Variants in KLHL24 observed in about 807,000 individuals in gnomAD.
The protein encoded by KLHL24 is kelch-like protein 24.
Under a neutral mutation model 53.4 loss-of-function variants are expected in KLHL24, and 29 were observed. That is an observed-to-expected ratio of 0.54 (90% CI 0.40 to 0.74). The LOEUF (loss-of-function observed/expected upper bound fraction) is 0.74, where lower values mean the gene tolerates loss of function less well. KLHL24 is among the 30% of genes least tolerant of loss of function. The pLI is 0.00. For missense variants in KLHL24, 504 were observed against 744.0 expected, an observed-to-expected ratio of 0.68 and a Z score of 3.75; for synonymous variants, 222 against 253.7, an observed-to-expected ratio of 0.88 and a Z score of 1.19.
chr3:183,677,238 A>G (rs567307346), intron 7 of KLHL24, among the ~76,000 whole-genome samples: 1 of 152,282 alleles, frequency 6.6e-6, no homozygotes, highest in East Asian at 1.9e-4. Flanking sequence ...TCATCCTCAA[A>G]ATAACTAGAG....
At position 183,650,957 on chromosome 3, in the gene KLHL24, C is replaced by T; in HGVS notation, c.601C>T (p.His201Tyr). 1 of 1,614,176 alleles carries T rather than the reference C, an allele frequency of 6.2e-7. No homozygotes were observed. The highest frequency in any genetic ancestry group is 8.5e-7 in the Non-Finnish European group (1 of 1,180,038). ...ACAGACTTTTGAGGATGTATCCCAG[C>T]ACGAAGAATTTCTTGAGCTTGACAA... The part of the protein sequence containing the change: ...ALQTFEDVSQ[H>Y]EEFLELDKDE... The change falls in exon 3 of 8, where the codon CAC becomes TAC. Residue 201 changes from histidine to tyrosine, a missense_variant. His to Tyr is a moderately conservative substitution (Grantham distance 83, BLOSUM62 2). Coordinates refer to ENST00000242810, the MANE Select transcript of KLHL24 (RefSeq NM_017644.3). This position sits in a 1 kb window ranked among gnomAD's most constrained non-coding sequence, Gnocchi z 4.5.
intron 6 of KLHL24, 134 bp from the exon 7 acceptor site, chr3:183,672,162 G>A (rs1477927371): frequency 2.1e-6 from 1 of 473,602 alleles, no homozygotes; most frequent in Non-Finnish European, 3.6e-6. Flanking sequence ...TCACTATCAG[G>A]CTAACCTCTC....
In KLHL24 at chr3:183,681,267, A is replaced by AGATAATGT. The variant is rs1712649878; in HGVS notation, c.*1983_*1990dup. On this transcript the variant is annotated 3_prime_UTR_variant, in exon 8 of 8. Transcript: ENST00000242810. ...GTTAAGAAATTCTTTACAGTAAATG[A>AGATAATGT]GATAATGTGTGAAAAAGTATTTTGT... is the stretch of plus-strand genomic sequence containing the variant. 5 of 152,492 alleles carry AGATAATGT rather than the reference A, an allele frequency of 3.3e-5. No individual in the cohort carries two copies. In the South Asian group the frequency reaches 8.3e-4, roughly 25 times the overall value. 9.4% of individuals were successfully genotyped at this position (152,492 alleles called of 1,614,324 possible). A position where few individuals can be genotyped will look rare whatever the true frequency, so the allele number is the denominator to read the frequency against.
rs1296557992 is a variant in KLHL24 at position 183,681,494 on chromosome 3, T to C, written c.*2208T>C. 2 of 152,318 alleles carry C rather than the reference T, an allele frequency of 1.3e-5. No individual in the cohort carries two copies. Among genetic ancestry groups the C allele is most frequent in the African/African-American group, 4.8e-5 (2 of 41,460 alleles). The allele number at this position is 152,318 out of a possible 1,614,324, so 9.4% of individuals were successfully genotyped here. Reference sequence around the variant, plus strand: ...TATTTTAATATCCATGTGTTTATTATAGTAAATTTGAAATGAAATCCTGAA... The same window carrying C: ...TATTTTAATATCCATGTGTTTATTACAGTAAATTTGAAATGAAATCCTGAA... On this transcript the variant is annotated 3_prime_UTR_variant, in exon 8 of 8. Coordinates refer to ENST00000242810, the MANE Select transcript of KLHL24 (RefSeq NM_017644.3).
chr3:183,640,951 AAAC>A (rs1466272119), intron 1 of KLHL24, among the ~76,000 whole-genome samples: 6 of 152,072 alleles, frequency 3.9e-5, no homozygotes, highest in Admixed American at 3.3e-4. Context: ...TTCCATTAAG[AAAC>A]TGGAAATGTT....
chr3:183,679,034 A>G, intron 7 of KLHL24, 52 bp from the exon 8 acceptor site: 1 of 1,449,126 alleles, frequency 6.9e-7, no homozygotes, highest in Non-Finnish European at 9.7e-7. Context: ...GTTTGTTACC[A>G]AATCCTTTAT....
chr3:183,636,714 C>G (rs1237832158), intron 1 of KLHL24: 2 of 152,180 alleles, frequency 1.3e-5, no homozygotes, highest in East Asian at 1.9e-4. Context: ...GTGGGCCTGC[C>G]CTGGGCCATT....
chr3:183,660,780 G>T (rs969618458), intron 3 of KLHL24, among the ~76,000 whole-genome samples: 1 of 151,964 alleles, frequency 6.6e-6, no homozygotes, highest in Admixed American at 6.6e-5. Context: ...AGATCTGGCC[G>T]GGAGCCGCAG....
intron 7 of KLHL24, among the ~76,000 whole-genome samples, chr3:183,674,363 T>G (rs572504966): frequency 1.3e-5 from 2 of 151,624 alleles, no homozygotes; most frequent in African/African-American, 4.8e-5. Context: ...CCTTCCTTTC[T>G]TTCTTTCTTT....
chr3:183,647,772 G>A (rs748623944), intron 2 of KLHL24, among the ~76,000 whole-genome samples: 25 of 152,238 alleles, frequency 1.6e-4, no homozygotes, highest in Admixed American at 5.9e-4. Flanking sequence ...GGGAGGCCAA[G>A]GCAGGAGAAT....
At chr3:183,648,096 T>C (rs1048015662) in intron 2 of KLHL24, among the ~76,000 whole-genome samples, 1 of 152,144 alleles carries the variant, frequency 6.6e-6, no homozygotes, top group Non-Finnish European at 1.5e-5. Flanking sequence ...GTGACAATAG[T>C]GGGCATATAA....
chr3:183,651,367 C>T (rs1293432280), intron 3 of KLHL24, 91 bp downstream of exon 3: 2 of 810,846 alleles, frequency 2.5e-6, no homozygotes, highest in Non-Finnish European at 3.9e-6. Flanking sequence ...CATTTATATG[C>T]ACTGTCTACC....
At position 183,650,714 on chromosome 3, in the gene KLHL24, T is replaced by G; in HGVS notation, c.358T>G (p.Phe120Val). The change falls in exon 3 of 8, where the codon TTT becomes GTT. Residue 120 changes from phenylalanine (F) to valine (V), a missense_variant. Coordinates refer to ENST00000242810, the MANE Select transcript of KLHL24 (RefSeq NM_017644.3). The surrounding 1 kb of genome is among the most constrained non-coding windows in gnomAD (Gnocchi z 4.5). ...NGILAEAMECFLQYVYTGKVK... is the reference protein window; with the variant it reads ...NGILAEAMECVLQYVYTGKVK... ...TATTTTAGCTGAAGCTATGGAATGT[T>G]TTTTGCAGTATGTTTATACTGGAAA... The G allele has an allele frequency of 1.9e-6, 3 of 1,613,952 alleles. No individual in the cohort carries two copies. The highest frequency in any genetic ancestry group is 1.7e-6 in the Non-Finnish European group (2 of 1,179,924).
rs778170042 is a variant in KLHL24 at position 183,650,811 on chromosome 3, G to A, written c.455G>A (p.Arg152His). Residue 152 changes from arginine to histidine, a missense_variant, in exon 3 of 8, where the codon CGT becomes CAT. Physicochemically the swap from Arg to His is conservative, Grantham distance 29. Transcript: ENST00000242810. The surrounding 1 kb of genome is among the most constrained non-coding windows in gnomAD (Gnocchi z 4.5). The stretch of plus-strand genomic sequence containing the variant: ...AGCCTCTTTCAGATTAGTGTTCTCC[G>A]TGATGCATGTGCCAAGTTCTTGGAG... ...TSSLFQISVL[R>H]DACAKFLEEQ... 2.2e-5 allele frequency: 35 copies of A among 1,613,844 alleles called. No homozygotes were observed. The highest frequency in any genetic ancestry group is 6.7e-5 in the Admixed American group (4 of 60,004).
chr3:183,650,280 C>CT lies in KLHL24; in HGVS notation c.-61-9dup. On this transcript the variant is annotated splice_polypyrimidine_tract_variant and intron_variant, in intron 2 of 7. Coordinates refer to ENST00000242810, the MANE Select transcript of KLHL24 (RefSeq NM_017644.3). This position sits in a 1 kb window ranked among gnomAD's most constrained non-coding sequence, Gnocchi z 4.5. ...ATTTTTTGCATATTGAAATGTTTTC[C>CT]TTTTTTTACTTTTAGCCACATAAAG... 12 of 1,173,514 alleles carry CT rather than the reference C, an allele frequency of 1.0e-5. No homozygotes were observed. The highest frequency in any genetic ancestry group is 1.6e-5 in the South Asian group (1 of 61,734). The allele number at this position is 1,173,514 out of a possible 1,614,324, so 72.7% of individuals were successfully genotyped here. A position where few individuals can be genotyped will look rare whatever the true frequency, so the allele number is the denominator to read the frequency against.
At chr3:183,639,787 C>G (rs1716069927) in intron 1 of KLHL24, among the ~76,000 whole-genome samples, 1 of 152,130 alleles carries the variant, frequency 6.6e-6, no homozygotes, top group Non-Finnish European at 1.5e-5. Context: ...AGGTGGATCA[C>G]CAGGTCAGGA....
In KLHL24 at chr3:183,635,667, GC is replaced by G. The variant is rs1714989368; in HGVS notation, c.-250del. On this transcript the variant is annotated 5_prime_UTR_variant, in exon 1 of 8. Coordinates refer to ENST00000242810, the MANE Select transcript of KLHL24 (RefSeq NM_017644.3). The stretch of plus-strand genomic sequence containing the variant: ...ACTGGTGGCTGGAGGAGACGCCGGC[GC>G]TGGAGAGTGCGCTGCGCCGCCCGCC... 6.5e-6 allele frequency: 1 copy of G among 152,868 alleles called. No homozygotes were observed. The highest frequency in any genetic ancestry group is 2.4e-5 in the African/African-American group (1 of 41,476). The allele number at this position is 152,868 out of a possible 1,614,324, so 9.5% of individuals were successfully genotyped here. A position where few individuals can be genotyped will look rare whatever the true frequency, so the allele number is the denominator to read the frequency against.
At chr3:183,639,759 A>G (rs1489154784) in intron 1 of KLHL24, among the ~76,000 whole-genome samples, 2 of 152,090 alleles carry the variant, frequency 1.3e-5, no homozygotes, top group African/African-American at 2.4e-5. Context: ...TAATCCCAGC[A>G]CTTTGGGAGG....
chr3:183,644,394 C>G (rs1284524106), intron 2 of KLHL24, among the ~76,000 whole-genome samples: 1 of 152,028 alleles, frequency 6.6e-6, no homozygotes, highest in African/African-American at 2.4e-5. Context: ...GTTACGGAGA[C>G]CAGTAATTGG....
Sources: gnomAD v4.1 joint callset for allele counts (sites outside exome capture counted in the v4.1 genomes callset) on GRCh38, gnomAD v4.1.1 for gene constraint, Gnocchi (gnomAD v3.1) non-coding constraint, MANE v1.5 for transcripts, NCBI Gene and HGNC (gene_info 2026-07-23, HGNC 2026-07-21) for gene names.